The following CREBRF variants were observed in gnomAD, a reference collection of about 807,000 sequenced individuals.
CREBRF encodes UPF0474 protein C5orf41.
Under a neutral mutation model 66.1 loss-of-function variants are expected in CREBRF, and 5 were observed. The observed-to-expected ratio is 0.08, with a 90% CI of 0.04 to 0.16. CREBRF has a LOEUF of 0.16. Among genes scored for constraint, CREBRF ranks in the 10% least tolerant of loss-of-function variants. The pLI, the probability that CREBRF is intolerant of heterozygous loss-of-function variation, is 1.00. For synonymous variants in CREBRF, 229 were observed against 264.4 expected (o/e 0.87, Z 1.30); for missense variants, 531 against 744.9 (o/e 0.71, Z 3.34).
Position 173,080,722 on chromosome 5 carries a change from C to T in CREBRF, c.-54C>T. 1 of 1,588,660 alleles carries T rather than the reference C, an allele frequency of 6.3e-7. No individual in the cohort carries two copies. ...GAAAGTAAAGCTGGAAAGGAATTTA[C>T]AAACAAGAAAAAAAAGAAGTTTGGA... On this transcript the variant is annotated 5_prime_UTR_variant, in exon 2 of 9. Coordinates refer to ENST00000296953, the MANE Select transcript of CREBRF (RefSeq NM_153607.3).
intron 1 of CREBRF, among the ~76,000 whole-genome samples, chr5:173,059,052 G>GC: frequency 2.0e-5 from 3 of 151,638 alleles, no homozygotes; most frequent in Non-Finnish European, 4.4e-5. Flanking sequence ...ACCCACCTCA[G>GC]CTTCCAAAGT....
At chr5:173,088,478 A>G (rs1239151084) in intron 3 of CREBRF, among the ~76,000 whole-genome samples, 1 of 117,040 alleles carries the variant, frequency 8.5e-6, no homozygotes, top group Non-Finnish European at 1.9e-5. Flanking sequence ...AACAAGAGCA[A>G]GACCCCGTCT....
intron 6 of CREBRF, among the ~76,000 whole-genome samples, chr5:173,111,600 T>C (rs958051476): frequency 1.3e-5 from 2 of 152,250 alleles, no homozygotes; most frequent in Non-Finnish European, 2.9e-5. Context: ...AATTTGTTCC[T>C]TTTGGTTGCT....
chr5:173,097,175 T>A (rs1333544213), intron 4 of CREBRF, among the ~76,000 whole-genome samples: 1 of 152,218 alleles, frequency 6.6e-6, no homozygotes, highest in Non-Finnish European at 1.5e-5. Flanking sequence ...AGAGAAGGAT[T>A]GGTATTAATT....
intron 7 of CREBRF, 24 bp from the exon 8 acceptor site, chr5:173,123,056 C>T: frequency 2.6e-6 from 4 of 1,555,968 alleles, no homozygotes; most frequent in South Asian, 1.2e-5. Flanking sequence ...TGACATATTC[C>T]AAGTGTTTTG....
chr5:173,070,745 A>T (rs1757574662), intron 1 of CREBRF, among the ~76,000 whole-genome samples: 5 of 152,168 alleles, frequency 3.3e-5, no homozygotes, highest in Non-Finnish European at 1.5e-5. Flanking sequence ...TTCAAGACTC[A>T]ATTTAACAAA....
chr5:173,127,205 C>T (rs1359399999), intron 8 of CREBRF, among the ~76,000 whole-genome samples: 2 of 147,452 alleles, frequency 1.4e-5, no homozygotes, highest in Non-Finnish European at 3.0e-5. Context: ...CTCTGTCACC[C>T]AGGCTAGAGT....
At chr5:173,112,278 G>A in intron 6 of CREBRF, 28 bp from the exon 7 acceptor site, 1 of 1,492,256 alleles carries the variant, frequency 6.7e-7, no homozygotes, top group Non-Finnish European at 9.1e-7. Context: ...GAAAAAGAAA[G>A]TGAACTAACT....
rs1234761648 is a variant in CREBRF, at chr5:173,086,273, G to C, written c.10-228G>C. 1.2e-5 allele frequency: 8 copies of C among 679,936 alleles called. 1 individual carries two copies. Among genetic ancestry groups the C allele is most frequent in the East Asian group, 1.0e-4 (4 of 38,816 alleles). 42.1% of individuals were successfully genotyped at this position (679,936 alleles called of 1,614,324 possible). The stretch of plus-strand genomic sequence containing the variant: ...GATGTTGACCTCAGCTTCTCCACTG[G>C]GGCATTGGCAGCACTCTATTTTTTC... On this transcript the variant is annotated intron_variant, in intron 2 of 8. Transcript: ENST00000296953.
At chr5:173,070,313 A>ACTTGCAC (rs1757560751) in intron 1 of CREBRF, among the ~76,000 whole-genome samples, 1 of 152,140 alleles carries the variant, frequency 6.6e-6, no homozygotes, top group African/African-American at 2.4e-5. Context: ...GTGCATTCTC[A>ACTTGCAC]CTTGCACCAC....
In CREBRF at chr5:173,073,855, T is replaced by C. The variant is rs553341763; in HGVS notation, c.-191-6730T>C. On this transcript the variant is annotated intron_variant, in intron 1 of 8. Coordinates refer to ENST00000296953, the MANE Select transcript of CREBRF (RefSeq NM_153607.3). Reference sequence around the variant, plus strand: ...GGTGGTGGGCGCCTGTAGTCCCAGCTACTCGGGAAGCTGAGGCAGGAGAAT... The same window carrying C: ...GGTGGTGGGCGCCTGTAGTCCCAGCCACTCGGGAAGCTGAGGCAGGAGAAT... 6.4e-3 allele frequency among the ~76,000 whole-genome samples: 977 copies of C among 152,172 alleles called. 16 individuals are homozygous for C. The highest frequency in any genetic ancestry group is 0.022 in the African/African-American group (920 of 41,528).
At chr5:173,120,027 C>G (rs1759101381) in intron 7 of CREBRF, among the ~76,000 whole-genome samples, 1 of 151,958 alleles carries the variant, frequency 6.6e-6, no homozygotes, top group African/African-American at 2.4e-5. Flanking sequence ...TCATATTATT[C>G]TATTCTAATA....
chr5:173,066,478 A>C (rs771863808), intron 1 of CREBRF, among the ~76,000 whole-genome samples: 1 of 151,856 alleles, frequency 6.6e-6, no homozygotes, highest in Non-Finnish European at 1.5e-5. Flanking sequence ...TTTTGTAAAC[A>C]CCTCTTTTTA....
At chr5:173,071,679 TG>T (rs2113681786) in intron 1 of CREBRF, among the ~76,000 whole-genome samples, 1 of 152,006 alleles carries the variant, frequency 6.6e-6, no homozygotes, top group Admixed American at 6.5e-5. Context: ...ATCCAAGAAA[TG>T]TATGGGAGTT....
chr5:173,091,871 G>A (rs251231), intron 4 of CREBRF: 407,373 of 728,688 alleles, frequency 0.56, 117,371 homozygotes, highest in Non-Finnish European at 0.59. Flanking sequence ...GATCACCTGA[G>A]GTCAGGAGTT....
chr5:173,073,750 G>A (rs10476059), intron 1 of CREBRF, among the ~76,000 whole-genome samples: 25,683 of 151,590 alleles, frequency 0.17, 3,168 homozygotes, highest in African/African-American at 0.34. Flanking sequence ...GGCGGATCAC[G>A]AGGTCAGGAG....
chr5:173,091,088 G>C lies in CREBRF; in HGVS notation c.909G>C (p.Leu303=). Residue 303 remains leucine (L), a synonymous_variant, in exon 4 of 9, where the codon CTG becomes CTC. Coordinates refer to ENST00000296953, the MANE Select transcript of CREBRF (RefSeq NM_153607.3). ...KETQELLLSP[L]PQEGPGSLAA... ...CCCAGGAACTATTACTAAGTCCCCTGCCCCAGGAAGGTCCTGGGTCACTTG... is the reference window on the plus strand; with the variant it reads ...CCCAGGAACTATTACTAAGTCCCCTCCCCCAGGAAGGTCCTGGGTCACTTG... The C allele has an allele frequency of 2.5e-6, 4 of 1,614,164 alleles. No individual in the cohort carries two copies. The highest frequency in any genetic ancestry group is 3.4e-6 in the Non-Finnish European group (4 of 1,180,032).
chr5:173,069,632 A>G (rs764088254), intron 1 of CREBRF, among the ~76,000 whole-genome samples: 1 of 152,034 alleles, frequency 6.6e-6, no homozygotes, highest in Non-Finnish European at 1.5e-5. Flanking sequence ...ATGAAATTCA[A>G]AATATTCACT....
chr5:173,071,505 C>T (rs888995832), intron 1 of CREBRF, among the ~76,000 whole-genome samples: 4 of 151,760 alleles, frequency 2.6e-5, no homozygotes, highest in African/African-American at 4.8e-5. Context: ...CCACCGTGCC[C>T]GGCCTTGTTT....
Sources: gnomAD v4.1 joint callset for allele counts (sites outside exome capture counted in the v4.1 genomes callset) on GRCh38, gnomAD v4.1.1 for gene constraint, MANE v1.5 for transcripts, NCBI Gene and HGNC (gene_info 2026-07-23, HGNC 2026-07-21) for gene names.